The following SGCZ variants were observed in gnomAD, a reference collection of about 807,000 sequenced individuals.
SGCZ encodes zeta-sarcoglycan.
SGCZ carries 40 observed loss-of-function variants against 41.3 expected under a neutral mutation model. The ratio of observed to expected loss-of-function variants is 0.97; its 90% CI spans 0.75 to 1.26. SGCZ has a LOEUF of 1.26. Among genes scored for constraint, SGCZ ranks in the 50% most tolerant of loss-of-function variants. SGCZ has a pLI of 0.00. For synonymous variants in SGCZ, 206 were observed against 137.5 expected, an observed-to-expected ratio of 1.50 and a Z score of -3.49; for missense variants, 552 against 369.8, an observed-to-expected ratio of 1.49 and a Z score of -4.04.
At chr8:14,564,319 A>G (rs1407877050) in intron 1 of SGCZ, among the ~76,000 whole-genome samples, 3 of 43,696 alleles carry the variant, frequency 6.9e-5, no homozygotes, top group Non-Finnish European at 2.1e-4. Context: ...GGTGTTGATC[A>G]TATTTAGATT....
chr8:14,155,714 A>G (rs1276471246), intron 5 of SGCZ, among the ~76,000 whole-genome samples: 1 of 150,362 alleles, frequency 6.7e-6, no homozygotes, highest in Non-Finnish European at 1.5e-5. Context: ...TATATATTAT[A>G]TATTTATATA....
intron 1 of SGCZ, among the ~76,000 whole-genome samples, chr8:14,945,143 G>C (rs958802274): frequency 1.1e-4 from 13 of 115,184 alleles, no homozygotes; most frequent in African/African-American, 4.0e-4. Context: ...GACATGGTTA[G>C]GCAATGTTGT....
At chr8:14,628,526 C>T (rs1420250049) in intron 1 of SGCZ, among the ~76,000 whole-genome samples, 1 of 152,040 alleles carries the variant, frequency 6.6e-6, no homozygotes, top group Non-Finnish European at 1.5e-5. Context: ...CAGGCCTACC[C>T]TCAAGTCCTC....
intron 3 of SGCZ, among the ~76,000 whole-genome samples, chr8:14,314,486 A>C (rs1287440380): frequency 6.6e-6 from 1 of 152,148 alleles, no homozygotes; most frequent in African/African-American, 2.4e-5. Context: ...CATAGTATTG[A>C]CTTTTAGGTT....
chr8:15,210,859 T>A (rs1237313581), intron 1 of SGCZ, among the ~76,000 whole-genome samples: 1 of 152,048 alleles, frequency 6.6e-6, no homozygotes, highest in Admixed American at 6.6e-5. Flanking sequence ...AACCTTTTCT[T>A]ATTTTATTTT....
intron 1 of SGCZ, among the ~76,000 whole-genome samples, chr8:14,643,043 A>G (rs964339): frequency 0.08 from 12,139 of 151,710 alleles, 1,202 homozygotes; most frequent in East Asian, 0.54. Flanking sequence ...TTTCTTTTCT[A>G]TAAAGCAAAT....
At chr8:14,510,935 G>A (rs573190309) in intron 2 of SGCZ, among the ~76,000 whole-genome samples, 1 of 152,222 alleles carries the variant, frequency 6.6e-6, no homozygotes, top group East Asian at 1.9e-4. Flanking sequence ...CAGTTTCTGA[G>A]AGAAGGTGGG....
chr8:14,387,241 A>G (rs1804607421), intron 2 of SGCZ, among the ~76,000 whole-genome samples: 1 of 152,124 alleles, frequency 6.6e-6, no homozygotes, highest in African/African-American at 2.4e-5. Flanking sequence ...TCGGAAATAC[A>G]GTGTCTTGCT....
At chr8:14,970,826 CA>C (rs919845822) in intron 1 of SGCZ, among the ~76,000 whole-genome samples, 9 of 151,576 alleles carry the variant, frequency 5.9e-5, no homozygotes, top group East Asian at 3.9e-4. Flanking sequence ...AATTCTCACA[CA>C]AAAAAAAGTC....
At chr8:14,170,392 T>C (rs578120656) in intron 4 of SGCZ, among the ~76,000 whole-genome samples, 2 of 152,212 alleles carry the variant, frequency 1.3e-5, no homozygotes, top group African/African-American at 4.8e-5. Flanking sequence ...TTCTAACACT[T>C]GTATTCTTAG....
chr8:14,457,166 T>C (rs1446946731), intron 2 of SGCZ, among the ~76,000 whole-genome samples: 1 of 152,252 alleles, frequency 6.6e-6, no homozygotes, highest in African/African-American at 2.4e-5. Context: ...AATTACTTTT[T>C]ATTCCAGTAT....
intron 1 of SGCZ, among the ~76,000 whole-genome samples, chr8:14,823,716 T>C (rs1236844149): frequency 3.9e-5 from 6 of 152,176 alleles, no homozygotes; most frequent in Admixed American, 1.3e-4. Flanking sequence ...ATCCAGCAAT[T>C]CCATTCCTGT....
intron 1 of SGCZ, among the ~76,000 whole-genome samples, chr8:15,148,762 G>A (rs1207134051): frequency 6.6e-6 from 1 of 152,142 alleles, no homozygotes; most frequent in Admixed American, 6.5e-5. Flanking sequence ...TCAGACACAA[G>A]CTGATACAAA....
chr8:14,266,499 C>G (rs1799870964), intron 3 of SGCZ, among the ~76,000 whole-genome samples: 1 of 151,998 alleles, frequency 6.6e-6, no homozygotes, highest in South Asian at 2.1e-4. Context: ...GGTAGGGACC[C>G]AAGAAGAAAT....
At chr8:14,953,730 T>C (rs1313690405) in intron 1 of SGCZ, among the ~76,000 whole-genome samples, 1 of 152,186 alleles carries the variant, frequency 6.6e-6, no homozygotes, top group African/African-American at 2.4e-5. Flanking sequence ...ATGACGCCTC[T>C]AGCATGATGT....
chr8:15,091,856 G>T (rs761146321), intron 1 of SGCZ, among the ~76,000 whole-genome samples: 1 of 152,134 alleles, frequency 6.6e-6, no homozygotes, highest in African/African-American at 2.4e-5. Context: ...GGGCTCAGGT[G>T]ATCCTCCCAC....
At chr8:14,236,090 G>T (rs1029319041) in intron 4 of SGCZ, among the ~76,000 whole-genome samples, 4 of 152,182 alleles carry the variant, frequency 2.6e-5, no homozygotes, top group African/African-American at 9.7e-5. Context: ...AAGAAAATTA[G>T]GACATGGAAA....
intron 4 of SGCZ, among the ~76,000 whole-genome samples, chr8:14,205,327 C>G (rs1245866159): frequency 1.3e-5 from 2 of 152,118 alleles, no homozygotes; most frequent in Admixed American, 1.3e-4. Flanking sequence ...TGTGTATTGT[C>G]AAATCTTCAG....
At chr8:14,628,118 G>T (rs990561892) in intron 1 of SGCZ, among the ~76,000 whole-genome samples, 2 of 151,912 alleles carry the variant, frequency 1.3e-5, no homozygotes, top group African/African-American at 4.8e-5. Flanking sequence ...AAGATTGCAG[G>T]TTTAATGCTA....
Sources: gnomAD v4.1 joint callset for allele counts (sites outside exome capture counted in the v4.1 genomes callset) on GRCh38, gnomAD v4.1.1 for gene constraint, MANE v1.5 for transcripts, NCBI Gene and HGNC (gene_info 2026-07-23, HGNC 2026-07-21) for gene names.